Variants in AKAP13 observed in about 807,000 individuals in gnomAD.
AKAP13 encodes the protein A-kinase anchor protein 13.
AKAP13 carries 80 observed loss-of-function variants against 264.5 expected under a neutral mutation model. That is an observed-to-expected ratio of 0.30 (90% CI 0.25 to 0.36). The LOEUF is 0.36. Among genes scored for constraint, AKAP13 ranks in the 10% least tolerant of loss-of-function variants. The pLI, the probability that AKAP13 is intolerant of heterozygous loss-of-function variation, is 1.00. For missense variants in AKAP13, 3,712 were observed against 3,435.2 expected, an observed-to-expected ratio of 1.08 and a Z score of -2.01; for synonymous variants, 1,380 against 1,250.2, an observed-to-expected ratio of 1.10 and a Z score of -2.19.
chr15:85,661,701 A>G (rs1051632237), intron 12 of AKAP13, among the ~76,000 whole-genome samples: 1 of 110,208 alleles, frequency 9.1e-6, no homozygotes, highest in Non-Finnish European at 2.3e-5. Flanking sequence ...AGCCTGGGCA[A>G]CAAGAGTGAA....
Position 85,724,956 on chromosome 15 carries a change from T to C in AKAP13, c.6746-1454T>C, listed in dbSNP as rs746496735. Among the ~76,000 whole-genome samples, 2 of 152,148 alleles carry C rather than the reference T, an allele frequency of 1.3e-5. No homozygotes were observed. Among genetic ancestry groups the C allele is most frequent in the Non-Finnish European group, 2.9e-5 (2 of 68,020 alleles). ...CCTTCCCTCCAGTCTTAATATTCCA[T>C]GATGTTCTGAGAGCCCTAGCTCTCT... On this transcript the variant is annotated intron_variant, in intron 26 of 36. Coordinates refer to ENST00000394518, the MANE Select transcript of AKAP13 (RefSeq NM_007200.5). The surrounding 1 kb of genome is among the most constrained non-coding windows in gnomAD (Gnocchi z 4.2).
chr15:85,656,183 A>G (rs1228552904), intron 11 of AKAP13, among the ~76,000 whole-genome samples: 1 of 152,226 alleles, frequency 6.6e-6, no homozygotes, highest in Non-Finnish European at 1.5e-5. Context: ...AACAAACATG[A>G]AGTCTTACAG....
At chr15:85,583,362 G>A (rs2079202076) in intron 7 of AKAP13, among the ~76,000 whole-genome samples, 3 of 152,158 alleles carry the variant, frequency 2.0e-5, no homozygotes, top group Non-Finnish European at 2.9e-5. Context: ...GCTTTTAGCC[G>A]TTTATAATCT....
At chr15:85,706,293 A>G (rs2086250254) in intron 17 of AKAP13, among the ~76,000 whole-genome samples, 1 of 152,180 alleles carries the variant, frequency 6.6e-6, no homozygotes, top group Non-Finnish European at 1.5e-5. Context: ...CTGAGTAAGA[A>G]TAGTGCTCGT....
At chr15:85,583,947 G>A (rs2079228147) in intron 7 of AKAP13, among the ~76,000 whole-genome samples, 1 of 152,142 alleles carries the variant, frequency 6.6e-6, no homozygotes, top group Non-Finnish European at 1.5e-5. Context: ...CATACTCATG[G>A]TCTCAAACTG....
At chr15:85,550,862 C>A (rs775729691) in intron 5 of AKAP13, among the ~76,000 whole-genome samples, 19 of 152,104 alleles carry the variant, frequency 1.2e-4, no homozygotes, top group Non-Finnish European at 2.6e-4. Context: ...GGTTGTAGAA[C>A]TGAGTGGAAA....
intron 5 of AKAP13, among the ~76,000 whole-genome samples, chr15:85,549,078 A>T (rs954611930): frequency 8.5e-5 from 13 of 152,080 alleles, no homozygotes; most frequent in Admixed American, 1.3e-4. Flanking sequence ...AGTTTTTCAT[A>T]CTTCAGGGAA....
intron 1 of AKAP13, among the ~76,000 whole-genome samples, chr15:85,455,818 T>G (rs1439229433): frequency 6.6e-6 from 1 of 152,186 alleles, no homozygotes; most frequent in African/African-American, 2.4e-5. Context: ...AGCTTCTTAC[T>G]GCAAACTACT....
intron 14 of AKAP13, among the ~76,000 whole-genome samples, chr15:85,672,307 C>G (rs957200197): frequency 6.6e-6 from 1 of 152,248 alleles, no homozygotes; most frequent in African/African-American, 2.4e-5. Context: ...CTTAATGTCA[C>G]TATTTCTCCT....
chr15:85,686,333 A>G (rs564356286), intron 16 of AKAP13, among the ~76,000 whole-genome samples: 1 of 152,318 alleles, frequency 6.6e-6, no homozygotes, highest in South Asian at 2.1e-4. Context: ...CTCACAAAAC[A>G]AGGTGCACTA....
At position 85,658,621 on chromosome 15, in the gene AKAP13, C is replaced by T. The variant is rs1055866751; in HGVS notation, c.4799+31C>T. 5.7e-6 allele frequency: 9 copies of T among 1,584,428 alleles called. No homozygotes were observed. The African/African-American group carries it at 1.2e-4, about 21-fold the overall frequency. On this transcript the variant is annotated intron_variant, in intron 12 of 36. Coordinates refer to ENST00000394518, the MANE Select transcript of AKAP13 (RefSeq NM_007200.5). ...GAGTTCATTAACTTGATGGACTAAC[C>T]ATGTCACCTCTGAGCATATACTAAC...
At chr15:85,696,858 A>T (rs142137131) in intron 17 of AKAP13, among the ~76,000 whole-genome samples, 1 of 152,168 alleles carries the variant, frequency 6.6e-6, no homozygotes, top group South Asian at 2.1e-4. Flanking sequence ...AGACCCCTGT[A>T]TAAGAAATGC....
chr15:85,576,354 T>A (rs568504840), intron 6 of AKAP13, among the ~76,000 whole-genome samples: 1 of 152,304 alleles, frequency 6.6e-6, no homozygotes, highest in East Asian at 1.9e-4. Flanking sequence ...AGTGTTACTA[T>A]ATTTAAATCA....
At position 85,485,729 on chromosome 15, in the gene AKAP13, T is replaced by TG; in HGVS notation, c.9_10insG (p.Asn4GlufsTer10). ...TTTCAGTGTCCTGGGTCATGAAACT[T>TG]AATCCACAGCAAGCTCCCTTATATG... On this transcript the variant is annotated frameshift_variant, in exon 2 of 37. Coordinates refer to ENST00000394518, the MANE Select transcript of AKAP13 (RefSeq NM_007200.5). LOFTEE classifies it high-confidence loss of function. 6.2e-7 allele frequency: 1 copy of TG among 1,613,470 alleles called. No homozygotes were observed. Among genetic ancestry groups the TG allele is most frequent in the Non-Finnish European group, 8.5e-7 (1 of 1,179,524 alleles).
intron 17 of AKAP13, among the ~76,000 whole-genome samples, chr15:85,699,605 T>G (rs187539673): frequency 6.6e-6 from 1 of 152,364 alleles, no homozygotes; most frequent in East Asian, 1.9e-4. Flanking sequence ...TTACATATTA[T>G]TTGTATGTCT....
chr15:85,736,133 A>G lies in AKAP13; in HGVS notation c.7556A>G (p.Glu2519Gly). The part of the protein sequence containing the change: ...NLVFMLKRNS[E>G]QVVQSVVHLY... ...GTATTTATGCTTAAAAGAAACAGTG[A>G]GGTAAGGACATTATGAACTATTTAA... Residue 2519 changes from glutamate to glycine, a missense_variant and splice_region_variant, in exon 33 of 37, where the codon GAG becomes GGG. Glu to Gly is a moderately conservative substitution (Grantham distance 98). This residue lies in a region of AKAP13 where 611 missense variants were observed against 539.3 expected (regional missense o/e 1.13). Coordinates refer to ENST00000394518, the MANE Select transcript of AKAP13 (RefSeq NM_007200.5). 2 of 1,603,362 alleles carry G rather than the reference A, an allele frequency of 1.2e-6. No homozygotes were observed. The highest frequency in any genetic ancestry group is 1.1e-5 in the South Asian group (1 of 90,606).
chr15:85,665,798 C>T lies in AKAP13; in HGVS notation c.4992+1043C>T, dbSNP rs907581236. Among the ~76,000 whole-genome samples, 110 of 152,068 alleles carry T rather than the reference C, an allele frequency of 7.2e-4. 1 individual carries two copies. Among genetic ancestry groups the T allele is most frequent in the Admixed American group, 5.4e-3 (83 of 15,250 alleles). On this transcript the variant is annotated intron_variant, in intron 13 of 36. Transcript: ENST00000394518. The stretch of plus-strand genomic sequence containing the variant: ...GCGGTGTTTGGTTTTCTGTCCTTAG[C>T]GATAGTTTACTCAGAATGATGGTTT...
chr15:85,516,120 A>G (rs1268004547), intron 2 of AKAP13, among the ~76,000 whole-genome samples: 1 of 152,218 alleles, frequency 6.6e-6, no homozygotes, highest in African/African-American at 2.4e-5. Flanking sequence ...GATGCAACTT[A>G]CTAGTCTAGA....
intron 19 of AKAP13, among the ~76,000 whole-genome samples, chr15:85,712,783 ATCTG>A (rs1029155300): frequency 2.0e-5 from 3 of 152,232 alleles, no homozygotes; most frequent in African/African-American, 7.2e-5. Context: ...ACCTCAAGGC[ATCTG>A]TCTGTCTTGG....
Sources: gnomAD v4.1 joint callset for allele counts (sites outside exome capture counted in the v4.1 genomes callset) on GRCh38, gnomAD v4.1.1 for gene constraint, gnomAD v4.1.1 regional missense constraint, Gnocchi (gnomAD v3.1) non-coding constraint, MANE v1.5 for transcripts, NCBI Gene and HGNC (gene_info 2026-07-23, HGNC 2026-07-21) for gene names.